NRDE2: variants seen among roughly 807,000 people sequenced by gnomAD.
The protein encoded by NRDE2 is NRDE-2, necessary for RNA interference, domain containing, also known as nuclear exosome regulator NRDE2.
In NRDE2, 76 loss-of-function variants were observed where a neutral mutation model predicts 124.2. The ratio of observed to expected loss-of-function variants is 0.61; its 90% CI spans 0.51 to 0.74. The LOEUF (loss-of-function observed/expected upper bound fraction) is 0.74. NRDE2 is among the 30% of genes least tolerant of loss of function. NRDE2 has a pLI of 0.00. For synonymous variants in NRDE2, 489 were observed against 528.1 expected, an observed-to-expected ratio of 0.93 and a Z score of 1.01; for missense variants, 1,314 against 1,417.3, an observed-to-expected ratio of 0.93 and a Z score of 1.17.
intron 1 of NRDE2, among the ~76,000 whole-genome samples, chr14:90,329,286 C>T (rs2139721934): frequency 6.6e-6 from 1 of 152,334 alleles, no homozygotes; most frequent in Non-Finnish European, 1.5e-5. Flanking sequence ...GCCACTACAC[C>T]TCCAGACAAA....
chr14:90,318,941 A>G (rs1885147450), intron 1 of NRDE2, among the ~76,000 whole-genome samples: 1 of 152,154 alleles, frequency 6.6e-6, no homozygotes, highest in African/African-American at 2.4e-5. Context: ...TTTCCTTATA[A>G]TAGTACTCTT....
chr14:90,298,035 G>C (rs2139684097), intron 8 of NRDE2, among the ~76,000 whole-genome samples: 1 of 151,730 alleles, frequency 6.6e-6, no homozygotes, highest in South Asian at 2.1e-4. Context: ...GGAAATTACA[G>C]AAACTTTCAA....
At position 90,289,090 on chromosome 14, in the gene NRDE2, T is replaced by G; in HGVS notation, c.2285A>C (p.Asn762Thr). Residue 762 changes from asparagine to threonine, a missense_variant, in exon 11 of 14, where the codon AAC becomes ACC. Asn to Thr is a moderately conservative substitution (Grantham distance 65). Transcript: ENST00000354366. Reference protein sequence around the residue: ...NKKRLKSQGKNCKKLAKNLLK... With the variant: ...NKKRLKSQGKTCKKLAKNLLK... ...GAGATTCTTGGCTAGTTTTTTGCAG[T>G]TCTTCCCTTGAGACTTTAATCTCTT... is the stretch of plus-strand genomic sequence containing the variant. The G allele has an allele frequency of 2.0e-5, 33 of 1,613,848 alleles. No individual in the cohort carries two copies. The highest frequency in any genetic ancestry group is 2.8e-5 in the Non-Finnish European group (33 of 1,179,808).
In NRDE2 at chr14:90,273,722, G is replaced by A. The variant is rs918414296; in HGVS notation, c.*4614C>T. 3 of 154,662 alleles carry A rather than the reference G, an allele frequency of 1.9e-5. No individual in the cohort carries two copies. The highest frequency in any genetic ancestry group is 7.2e-5 in the African/African-American group (3 of 41,536). The allele number at this position is 154,662 out of a possible 1,614,324, so 9.6% of individuals were successfully genotyped here. On this transcript the variant is annotated 3_prime_UTR_variant, in exon 14 of 14. Coordinates refer to ENST00000354366, the MANE Select transcript of NRDE2 (RefSeq NM_017970.4). Reference sequence around the variant, plus strand: ...TCCTTGCTGAGGATTATTGTTGGCAGAATTTAATTTCTTGGAGTTGTGGGC... The same window carrying A: ...TCCTTGCTGAGGATTATTGTTGGCAAAATTTAATTTCTTGGAGTTGTGGGC...
rs368518320 is a variant in NRDE2 at position 90,322,557 on chromosome 14, T to A, written c.65-4444A>T. The stretch of plus-strand genomic sequence containing the variant: ...GAAATCTTCAAAAAAAAATCCATTA[T>A]CTAGGTATAAAGTACAACTAGTGTA... On this transcript the variant is annotated intron_variant, in intron 1 of 13. Coordinates refer to ENST00000354366, the MANE Select transcript of NRDE2 (RefSeq NM_017970.4). 2.0e-5 allele frequency among the ~76,000 whole-genome samples: 3 copies of A among 152,350 alleles called. No homozygotes were observed. In the South Asian group the frequency reaches 6.2e-4, roughly 32 times the overall value.
chr14:90,308,005 C>T (rs957289054), intron 4 of NRDE2, among the ~76,000 whole-genome samples: 1 of 152,142 alleles, frequency 6.6e-6, no homozygotes, highest in African/African-American at 2.4e-5. Flanking sequence ...GTCTTGACCT[C>T]CCAAAGTGCT....
chr14:90,299,921 G>T (rs56694191), intron 7 of NRDE2, among the ~76,000 whole-genome samples: 2,761 of 152,258 alleles, frequency 0.018, 85 homozygotes, highest in African/African-American at 0.063. Context: ...CTGTGTTCAC[G>T]GTAACAACGT....
At position 90,312,497 on chromosome 14, in the gene NRDE2, G is replaced by GC. The variant is rs1884881978; in HGVS notation, c.453dup (p.Leu152AlafsTer2). 1 of 1,613,968 alleles carries GC rather than the reference G, an allele frequency of 6.2e-7. No homozygotes were observed. The highest frequency in any genetic ancestry group is 1.3e-5 in the African/African-American group (1 of 74,912). ...CCCGTCACAGCCTGAATGTCCTCAA[G>GC]CCAAACAAAGCGATGTCCAGTATCA... is the stretch of plus-strand genomic sequence containing the variant. On this transcript the variant is annotated frameshift_variant, in exon 4 of 14. Transcript: ENST00000354366. LOFTEE classifies it high-confidence loss of function.
chr14:90,328,202 G>C (rs1428507714), intron 1 of NRDE2, among the ~76,000 whole-genome samples: 1 of 150,952 alleles, frequency 6.6e-6, no homozygotes, highest in Non-Finnish European at 1.5e-5. Context: ...AGTTACTAGG[G>C]AGGCTGAGGC....
intron 1 of NRDE2, among the ~76,000 whole-genome samples, chr14:90,329,657 T>C (rs1315079464): frequency 3.3e-5 from 5 of 151,006 alleles, no homozygotes; most frequent in Non-Finnish European, 7.4e-5. Flanking sequence ...GCCAACATGG[T>C]GAAACCCCAT....
Position 90,304,143 on chromosome 14 carries a change from G to A in NRDE2, c.797C>T (p.Thr266Ile), listed in dbSNP as rs139586208. Residue 266 changes from threonine to isoleucine, a missense_variant, in exon 5 of 14, where the codon ACA becomes ATA. Coordinates refer to ENST00000354366, the MANE Select transcript of NRDE2 (RefSeq NM_017970.4). ...AATCCCCAGAGGATTCAACCAGGTT[G>A]TAACAGGAGCCGCATCTTCCAAGTC... The part of the protein sequence containing the change: ...VKDLEDAAPV[T>I]TWLNPLGIYD... The A allele has an allele frequency of 1.6e-4, 254 of 1,614,200 alleles. No individual in the cohort carries two copies. The highest frequency in any genetic ancestry group is 3.6e-4 in the East Asian group (16 of 44,884).
chr14:90,268,159 G>A lies in NRDE2; in HGVS notation c.*10177C>T, dbSNP rs1891566792. ...TGTCCATTTAAGGTGGTAATGATAC[G>A]AGTTTTTAAGTTAAAATGGCACTTA... On this transcript the variant is annotated 3_prime_UTR_variant, in exon 14 of 14. Transcript: ENST00000354366. The A allele has an allele frequency of 7.4e-6, 10 of 1,345,682 alleles. No homozygotes were observed. The highest frequency in any genetic ancestry group is 1.5e-5 in the African/African-American group (1 of 67,696). The allele number at this position is 1,345,682 out of a possible 1,614,324, so 83.4% of individuals were successfully genotyped here. A position where few individuals can be genotyped will look rare whatever the true frequency, so the allele number is the denominator to read the frequency against.
In NRDE2 at chr14:90,288,697, T is replaced by C. The variant is rs1173555831; in HGVS notation, c.2678A>G (p.Asn893Ser). 9 of 1,614,070 alleles carry C rather than the reference T, an allele frequency of 5.6e-6. No homozygotes were observed. The highest frequency in any genetic ancestry group is 1.3e-5 in the African/African-American group (1 of 74,936). ...QDCLGDSCVS[N>S]PAPTDSCSRL... Reference sequence around the variant, plus strand: ...GCTACAGGAATCGGTGGGAGCTGGATTGGAGACACAGCTGTCACCCAAACA... The same window carrying C: ...GCTACAGGAATCGGTGGGAGCTGGACTGGAGACACAGCTGTCACCCAAACA... The change falls in exon 11 of 14, where the codon AAT becomes AGT. Residue 893 changes from asparagine (N) to serine (S), a missense_variant. Physicochemically the swap from Asn to Ser is conservative, Grantham distance 46 (BLOSUM62 1). Transcript: ENST00000354366.
At chr14:90,284,589 G>A (rs912426851) in intron 12 of NRDE2, among the ~76,000 whole-genome samples, 3 of 151,804 alleles carry the variant, frequency 2.0e-5, no homozygotes, top group Non-Finnish European at 2.9e-5. Context: ...GGCTGGTCTC[G>A]AACTCCTGAC....
chr14:90,270,186 T>C lies in NRDE2; in HGVS notation c.*8150A>G. ...GATGTTGGTGTGACTTCAAATCTCTTTGTACCTGCAGGCCGCATTGACAGG... is the reference window on the plus strand; with the variant it reads ...GATGTTGGTGTGACTTCAAATCTCTCTGTACCTGCAGGCCGCATTGACAGG... On this transcript the variant is annotated 3_prime_UTR_variant, in exon 14 of 14. Coordinates refer to ENST00000354366, the MANE Select transcript of NRDE2 (RefSeq NM_017970.4). 1.2e-6 allele frequency: 2 copies of C among 1,613,196 alleles called. No homozygotes were observed. The highest frequency in any genetic ancestry group is 1.7e-6 in the Non-Finnish European group (2 of 1,179,412).
At chr14:90,300,974 C>T (rs915208597) in intron 7 of NRDE2, among the ~76,000 whole-genome samples, 4 of 143,422 alleles carry the variant, frequency 2.8e-5, no homozygotes, top group African/African-American at 5.3e-5. Context: ...GGTGAGTCCT[C>T]AGAGAGCCTT....
chr14:90,269,224 C>A lies in NRDE2; in HGVS notation c.*9112G>T. 1.6e-6 allele frequency: 1 copy of A among 609,492 alleles called. No individual in the cohort carries two copies. Among genetic ancestry groups the A allele is most frequent in the Non-Finnish European group, 2.8e-6 (1 of 353,220 alleles). The allele number at this position is 609,492 out of a possible 1,614,324, so 37.8% of individuals were successfully genotyped here. On this transcript the variant is annotated 3_prime_UTR_variant, in exon 14 of 14. Coordinates refer to ENST00000354366, the MANE Select transcript of NRDE2 (RefSeq NM_017970.4). ...ATAAATTTGGGGAAATACATTCAGA[C>A]CATGGCAAGGGGTGCTGAATTTATT...
rs760187958 is a variant in NRDE2 at position 90,270,148 on chromosome 14, G to A, written c.*8188C>T. On this transcript the variant is annotated 3_prime_UTR_variant, in exon 14 of 14. Transcript: ENST00000354366. The stretch of plus-strand genomic sequence containing the variant: ...GGGCTGAGGCCTCTGAGCCATGGCC[G>A]AGCCTGGGTTTGGATGTTGGTGTGA... 1.3e-5 allele frequency: 21 copies of A among 1,593,730 alleles called. No individual in the cohort carries two copies. The highest frequency in any genetic ancestry group is 1.4e-5 in the Non-Finnish European group (16 of 1,166,104).
intron 5 of NRDE2, 91 bp from the exon 6 acceptor site, chr14:90,303,216 A>G: frequency 4.8e-6 from 6 of 1,245,044 alleles, no homozygotes; most frequent in Non-Finnish European, 6.6e-6. Flanking sequence ...ACCACCCCCT[A>G]GGGACTTTCT....
Sources: allele counts gnomAD v4.1 joint callset (sites outside exome capture counted in the v4.1 genomes callset), GRCh38; gene constraint gnomAD v4.1.1; transcripts MANE v1.5; gene names NCBI Gene and HGNC (gene_info 2026-07-23, HGNC 2026-07-21).